Variants in TULP4 observed in about 807,000 individuals in gnomAD.
TULP4 encodes the protein TUB like protein 4.
A neutral mutation model predicts 129.0 loss-of-function variants in TULP4; 16 were observed. The observed-to-expected ratio is 0.12, with a 90% CI of 0.08 to 0.19. The LOEUF is 0.19. Among genes scored for constraint, TULP4 ranks in the 10% least tolerant of loss-of-function variants. TULP4 has a pLI of 1.00. For synonymous variants in TULP4, 998 were observed against 854.0 expected, an observed-to-expected ratio of 1.17 and a Z score of -2.94; for missense variants, 1,842 against 2,059.1, an observed-to-expected ratio of 0.89 and a Z score of 2.04.
intron 1 of TULP4, among the ~76,000 whole-genome samples, chr6:158,264,174 G>C (rs1039966175): frequency 6.6e-6 from 1 of 152,212 alleles, no homozygotes; most frequent in African/African-American, 2.4e-5. Context: ...TGTGGGGTTG[G>C]GCAGGCGCAG....
upstream of TULP4, among the ~76,000 whole-genome samples, chr6:158,309,626 C>A (rs543621921): frequency 6.6e-6 from 1 of 152,154 alleles, no homozygotes; most frequent in Non-Finnish European, 1.5e-5. Flanking sequence ...AACCAGACTC[C>A]GTCTGCAATC....
At chr6:158,495,022 A>G (rs1264063160) in intron 11 of TULP4, among the ~76,000 whole-genome samples, 176 bp downstream of exon 11, 6 of 151,588 alleles carry the variant, frequency 4.0e-5, no homozygotes, top group African/African-American at 1.5e-4. Context: ...TAGAATTCTC[A>G]CTCACATTGG....
At chr6:158,420,954 G>T (rs1028040664) in intron 2 of TULP4, among the ~76,000 whole-genome samples, 1 of 152,200 alleles carries the variant, frequency 6.6e-6, no homozygotes, top group African/African-American at 2.4e-5. Flanking sequence ...AGTGACCATG[G>T]CCCATGACAC....
At chr6:158,443,987 G>A (rs577478351) in intron 3 of TULP4, among the ~76,000 whole-genome samples, 1,758 of 152,070 alleles carry the variant, frequency 0.012, 32 homozygotes, top group African/African-American at 0.038. Flanking sequence ...TGGGGGGCCA[G>A]GGTGGGCGGA....
intron 1 of TULP4, among the ~76,000 whole-genome samples, chr6:158,239,367 AC>A (rs1562490298): frequency 1.1e-4 from 3 of 26,980 alleles, no homozygotes; most frequent in South Asian, 1.5e-3. Context: ...GGGGGCTGAC[AC>A]CCCCCACCTC....
intron 11 of TULP4, among the ~76,000 whole-genome samples, chr6:158,495,767 G>A (rs542749234): frequency 5.3e-5 from 8 of 152,128 alleles, no homozygotes; most frequent in South Asian, 2.1e-4. Context: ...TTGAACCCAG[G>A]GGGCGGAGGT....
At chr6:158,357,176 G>A (rs1184687069) in intron 1 of TULP4, among the ~76,000 whole-genome samples, 1 of 152,234 alleles carries the variant, frequency 6.6e-6, no homozygotes, top group East Asian at 1.9e-4. Context: ...ATATGCTATT[G>A]CTAGGAGTTG....
chr6:158,370,612 C>G (rs1777051158), intron 1 of TULP4, among the ~76,000 whole-genome samples: 1 of 151,924 alleles, frequency 6.6e-6, no homozygotes, highest in African/African-American at 2.4e-5. Context: ...ATAATGAAAT[C>G]TGTTTGTATT....
At chr6:158,499,792 C>T (rs1197934536) in intron 12 of TULP4, among the ~76,000 whole-genome samples, 1 of 152,104 alleles carries the variant, frequency 6.6e-6, no homozygotes, top group Admixed American at 6.5e-5. Context: ...CTCAGCTTGG[C>T]TCTGAACTTG....
rs200467143 is a variant in TULP4, at chr6:158,359,247, G to GA, written c.252+44988dup. The stretch of plus-strand genomic sequence containing the variant: ...TGGGAGAAACACCCCCTTTTGAAAG[G>GA]AAAAAAAAATCGTTCTTTGCCAATT... On this transcript the variant is annotated intron_variant, in intron 1 of 13. Coordinates refer to ENST00000367097, the MANE Select transcript of TULP4 (RefSeq NM_020245.5). Among the ~76,000 whole-genome samples, 702 of 150,624 alleles carry GA rather than the reference G, an allele frequency of 4.7e-3. 13 individuals carry two copies. Among genetic ancestry groups the GA allele is most frequent in the Non-Finnish European group, 3.5e-3 (237 of 67,552 alleles).
chr6:158,470,440 C>G (rs1779653828), intron 6 of TULP4, among the ~76,000 whole-genome samples: 1 of 152,266 alleles, frequency 6.6e-6, no homozygotes, highest in Non-Finnish European at 1.5e-5. Context: ...CTTGTCCCTC[C>G]TGCTGTGCTC....
intron 1 of TULP4, among the ~76,000 whole-genome samples, chr6:158,385,073 G>A (rs920135887): frequency 5.9e-5 from 9 of 152,058 alleles, no homozygotes; most frequent in Admixed American, 1.3e-4. Flanking sequence ...AGTTATCCTC[G>A]CCCACGTCAG....
chr6:158,393,474 G>A (rs558201846), intron 1 of TULP4, among the ~76,000 whole-genome samples: 1 of 152,308 alleles, frequency 6.6e-6, no homozygotes, highest in African/African-American at 2.4e-5. Context: ...CTCCATAAGG[G>A]CTCCACTCCT....
upstream of TULP4, among the ~76,000 whole-genome samples, chr6:158,280,960 A>G (rs1778738392): frequency 6.6e-6 from 1 of 152,240 alleles, no homozygotes. Flanking sequence ...AGAAATGAAT[A>G]GCAGATACCT....
rs1227720723 is a variant in TULP4, at chr6:158,380,894, C to CA, written c.253-32153dup. Among the ~76,000 whole-genome samples the CA allele has an allele frequency of 2.6e-3, 186 of 72,232 alleles. 1 individual carries two copies. The highest frequency in any genetic ancestry group is 7.9e-3 in the Admixed American group (48 of 6,086). 47.4% of individuals were successfully genotyped at this position (72,232 alleles called of 152,430 possible). A position where few individuals can be genotyped will look rare whatever the true frequency, so the allele number is the denominator to read the frequency against. Reference sequence around the variant, plus strand: ...GGGCGACAGAGCAAGACTCTGTCTCCAAAAAAAAAAAAAAAAAAGAAGAAG... The same window carrying CA: ...GGGCGACAGAGCAAGACTCTGTCTCCAAAAAAAAAAAAAAAAAAAGAAGAAG... On this transcript the variant is annotated intron_variant, in intron 1 of 13. Transcript: ENST00000367097.
At chr6:158,342,666 A>C (rs1431650566) in intron 1 of TULP4, among the ~76,000 whole-genome samples, 1 of 152,198 alleles carries the variant, frequency 6.6e-6, no homozygotes, top group Non-Finnish European at 1.5e-5. Flanking sequence ...GACTTCTTGA[A>C]AGGGTGGATT....
At chr6:158,341,226 A>G (rs539774124) in intron 1 of TULP4, among the ~76,000 whole-genome samples, 6 of 152,224 alleles carry the variant, frequency 3.9e-5, no homozygotes, top group Admixed American at 3.9e-4. Context: ...ATTTAACATA[A>G]TGTCCTCCAG....
At chr6:158,246,758 T>C (rs1206119964) in intron 1 of TULP4, among the ~76,000 whole-genome samples, 1 of 152,226 alleles carries the variant, frequency 6.6e-6, no homozygotes, top group South Asian at 2.1e-4. Flanking sequence ...TCAGTTATTT[T>C]TTCTAATGTA....
chr6:158,498,613 CTT>C, intron 11 of TULP4, 54 bp from the exon 12 acceptor site: 1 of 1,607,332 alleles, frequency 6.2e-7, no homozygotes, highest in South Asian at 1.1e-5. Flanking sequence ...TCTCTTGACA[CTT>C]TGGCTCTGCT....
Sources: allele counts gnomAD v4.1 joint callset (sites outside exome capture counted in the v4.1 genomes callset), GRCh38; gene constraint gnomAD v4.1.1; transcripts MANE v1.5; gene names NCBI Gene and HGNC (gene_info 2026-07-23, HGNC 2026-07-21).